The following EPHA4 variants were observed in gnomAD, a reference collection of about 807,000 sequenced individuals.
The protein encoded by EPHA4 is EPH receptor A4.
EPHA4 carries 19 observed loss-of-function variants against 108.3 expected under a neutral mutation model. The observed-to-expected ratio is 0.18, with a 90% confidence interval of 0.12 to 0.26. EPHA4 has a LOEUF of 0.26. Ranked by LOEUF, EPHA4 falls within the 10% of genes least tolerant of loss-of-function variation. EPHA4 has a pLI of 1.00. For synonymous variants in EPHA4, 449 were observed against 455.5 expected (o/e 0.99, Z 0.18); for missense variants, 917 against 1,254.0 (o/e 0.73, Z 4.06).
chr2:221,522,729 A>G (rs1659386113), intron 3 of EPHA4, among the ~76,000 whole-genome samples: 1 of 150,968 alleles, frequency 6.6e-6, no homozygotes. Context: ...CAATAAAAAT[A>G]AAATCCTATT....
At chr2:221,472,118 T>A (rs1654376785) in intron 5 of EPHA4, among the ~76,000 whole-genome samples, 1 of 152,092 alleles carries the variant, frequency 6.6e-6, no homozygotes, top group Non-Finnish European at 1.5e-5. Flanking sequence ...TATCTTTAGA[T>A]AAAAAGAAGT....
intron 9 of EPHA4, among the ~76,000 whole-genome samples, chr2:221,445,383 A>T (rs976753574): frequency 1.3e-5 from 2 of 151,844 alleles, no homozygotes. Flanking sequence ...AGGTCAGGAG[A>T]TGGAGACCAT....
In EPHA4 at chr2:221,419,040, T is replaced by G. The variant is rs909036716; in HGVS notation, c.*2332A>C. On this transcript the variant is annotated 3_prime_UTR_variant, in exon 18 of 18. Coordinates refer to ENST00000281821, the MANE Select transcript of EPHA4 (RefSeq NM_004438.5). The stretch of plus-strand genomic sequence containing the variant: ...CTCTACTTATTCAACAATAAATGGT[T>G]CAGAATCTATTTTTTTTCCTCATTT... 1 of 152,652 alleles carries G rather than the reference T, an allele frequency of 6.6e-6. No homozygotes were observed. The highest frequency in any genetic ancestry group is 2.4e-5 in the African/African-American group (1 of 41,458). 9.5% of individuals were successfully genotyped at this position (152,652 alleles called of 1,614,324 possible).
intron 8 of EPHA4, among the ~76,000 whole-genome samples, chr2:221,448,395 G>C (rs1003115262): frequency 6.6e-6 from 1 of 152,130 alleles, no homozygotes; most frequent in Non-Finnish European, 1.5e-5. Flanking sequence ...ATTATAAGTA[G>C]TATTACGTTT....
chr2:221,552,053 T>C (rs1486998356), intron 3 of EPHA4, among the ~76,000 whole-genome samples: 1 of 152,156 alleles, frequency 6.6e-6, no homozygotes, highest in Admixed American at 6.5e-5. Context: ...AGTTAATTAG[T>C]ACCTTTGCAC....
intron 14 of EPHA4, among the ~76,000 whole-genome samples, chr2:221,432,953 T>A (rs1056280471): frequency 1.3e-4 from 20 of 151,338 alleles, no homozygotes; most frequent in African/African-American, 4.9e-4. Context: ...GCCTCCTGAG[T>A]AGCTGGGATT....
At chr2:221,491,648 T>C (rs1414837742) in intron 4 of EPHA4, among the ~76,000 whole-genome samples, 1 of 152,196 alleles carries the variant, frequency 6.6e-6, no homozygotes, top group African/African-American at 2.4e-5. Context: ...ATGATGATGA[T>C]GGCTAGCTAG....
At chr2:221,485,100 T>A (rs536735009) in intron 4 of EPHA4, among the ~76,000 whole-genome samples, 3 of 152,322 alleles carry the variant, frequency 2.0e-5, no homozygotes, top group African/African-American at 4.8e-5. Flanking sequence ...TCCATTAACC[T>A]CCTTGCCAAG....
chr2:221,508,716 G>A (rs948397755), intron 3 of EPHA4, among the ~76,000 whole-genome samples: 1 of 152,118 alleles, frequency 6.6e-6, no homozygotes, highest in African/African-American at 2.4e-5. Context: ...AGCCTGGAGT[G>A]AAATATCCTT....
intron 3 of EPHA4, among the ~76,000 whole-genome samples, chr2:221,510,381 T>C (rs1692790473): frequency 6.6e-6 from 1 of 152,230 alleles, no homozygotes; most frequent in South Asian, 2.1e-4. Context: ...TTTGGAGGTT[T>C]CTTCCTTCAA....
intron 11 of EPHA4, among the ~76,000 whole-genome samples, chr2:221,439,330 C>CAAAA (rs56154778): frequency 1.3e-3 from 165 of 129,414 alleles, no homozygotes; most frequent in African/African-American, 4.2e-3. Context: ...GTTTTCTACT[C>CAAAA]AAAAAAAAAA....
intron 3 of EPHA4, among the ~76,000 whole-genome samples, chr2:221,507,863 A>T (rs771380360): frequency 4.6e-5 from 7 of 152,194 alleles, no homozygotes; most frequent in Non-Finnish European, 1.0e-4. Context: ...CAAACTTCTC[A>T]TCTCAGAAGC....
At chr2:221,524,624 C>T (rs532395333) in intron 3 of EPHA4, among the ~76,000 whole-genome samples, 1 of 152,296 alleles carries the variant, frequency 6.6e-6, no homozygotes, top group African/African-American at 2.4e-5. Context: ...GTACATTGTA[C>T]TTAGTGACCT....
At chr2:221,439,834 G>A (rs1348468496) in intron 11 of EPHA4, among the ~76,000 whole-genome samples, 1 of 152,176 alleles carries the variant, frequency 6.6e-6, no homozygotes, top group Non-Finnish European at 1.5e-5. Flanking sequence ...GGATCCAAAA[G>A]TGAGGGTCAT....
At position 221,501,166 on chromosome 2, in the gene EPHA4, T is replaced by C. The variant is rs1196771519; in HGVS notation, c.830A>G (p.Lys277Arg). 57 of 1,596,176 alleles carry C rather than the reference T, an allele frequency of 3.6e-5. No individual in the cohort carries two copies. The highest frequency in any genetic ancestry group is 4.6e-5 in the Non-Finnish European group (54 of 1,172,460). The part of the protein sequence containing the change: ...EERSGECQAC[K>R]IGYYKALSTD... ...GGAGAGAGCCTTGTAATATCCAATT[T>C]TGCAAGCTGCAGGGAAGAAGAAAAA... The change falls in exon 4 of 18, where the codon AAA becomes AGA. Residue 277 changes from lysine (K) to arginine (R), a missense_variant. Around this residue, in one of 3 missense-constraint regions of EPHA4, gnomAD observed 758 missense variants for 1,076.7 expected, o/e 0.70. Transcript: ENST00000281821.
At chr2:221,463,034 A>C (rs1691197252) in intron 5 of EPHA4, among the ~76,000 whole-genome samples, 1 of 152,200 alleles carries the variant, frequency 6.6e-6, no homozygotes, top group Non-Finnish European at 1.5e-5. Context: ...ACTAGGGCAA[A>C]GCCAGTCACT....
At chr2:221,501,292 C>CA in intron 3 of EPHA4, 120 bp from the exon 4 acceptor site, 2 of 882,648 alleles carry the variant, frequency 2.3e-6, no homozygotes, top group South Asian at 4.8e-5. Flanking sequence ...CATTAGCGAT[C>CA]ATGTGGCTTG....
chr2:221,542,465 C>G (rs1304094070), intron 3 of EPHA4, among the ~76,000 whole-genome samples: 2 of 152,288 alleles, frequency 1.3e-5, no homozygotes, highest in Middle Eastern at 3.4e-3. Context: ...TTAGGCAACT[C>G]TACAAGGATT....
intron 4 of EPHA4, among the ~76,000 whole-genome samples, chr2:221,492,899 A>G (rs1472843437): frequency 6.6e-6 from 1 of 152,250 alleles, no homozygotes; most frequent in African/African-American, 2.4e-5. Context: ...GCAGTATGAA[A>G]CTATACTATT....
Sources: gnomAD v4.1 joint callset for allele counts (sites outside exome capture counted in the v4.1 genomes callset) on GRCh38, gnomAD v4.1.1 for gene constraint, gnomAD v4.1.1 regional missense constraint, MANE v1.5 for transcripts, NCBI Gene and HGNC (gene_info 2026-07-23, HGNC 2026-07-21) for gene names.